The following SLC26A4 variants were observed in gnomAD, a reference collection of about 807,000 sequenced individuals.
SLC26A4 encodes the protein pendrin.
In SLC26A4, 93 loss-of-function variants were observed where a neutral mutation model predicts 90.4. The observed-to-expected ratio is 1.03, with a 90% confidence interval of 0.87 to 1.22. The LOEUF is 1.22. Ranked by LOEUF, SLC26A4 falls within the 50% of genes most tolerant of loss-of-function variation. The pLI is 0.00. For synonymous variants in SLC26A4, 393 were observed against 354.6 expected (o/e 1.11, Z -1.22); for missense variants, 1,127 against 946.2 (o/e 1.19, Z -2.51).
chr7:107,694,515 A>AT (rs763327900), intron 11 of SLC26A4, 35 bp downstream of exon 11: 3 of 1,566,834 alleles, frequency 1.9e-6, no homozygotes, highest in Non-Finnish European at 2.6e-6. Flanking sequence ...CGATTGCATA[A>AT]TTTCCCTTCA....
intron 3 of SLC26A4, among the ~76,000 whole-genome samples, chr7:107,664,479 T>A (rs1222855323): frequency 6.6e-6 from 1 of 151,872 alleles, no homozygotes; most frequent in African/African-American, 2.4e-5. Context: ...TGATCCGCCC[T>A]CCTTGGTATC....
At position 107,701,101 on chromosome 7, in the gene SLC26A4, G is replaced by A. The variant is rs397516421; in HGVS notation, c.1708G>A (p.Val570Ile). ...AGTAACTTGACATTTATTTCCAAAG[G>A]TTGGATTTGATGCCATTAGAGTATA... ...DGFKKCIKST[V>I]GFDAIRVYNK... is the part of the protein sequence containing the mutation. The change falls in exon 16 of 21, where the codon GTT becomes ATT. Residue 570 changes from valine to isoleucine, a missense_variant and splice_region_variant. Coordinates refer to ENST00000644269, the MANE Select transcript of SLC26A4 (RefSeq NM_000441.2). 3.2e-5 allele frequency: 51 copies of A among 1,586,870 alleles called. No homozygotes were observed. Among genetic ancestry groups the A allele is most frequent in the Non-Finnish European group, 1.3e-5 (15 of 1,155,446 alleles).
At position 107,689,061 on chromosome 7, in the gene SLC26A4, CT is replaced by C. The variant is rs2129315787; in HGVS notation, c.1011del (p.Pro338LeufsTer6). The C allele has an allele frequency of 6.2e-7, 1 of 1,613,838 alleles. No individual in the cohort carries two copies. The highest frequency in any genetic ancestry group is 8.5e-7 in the Non-Finnish European group (1 of 1,179,802). On this transcript the variant is annotated frameshift_variant, in exon 9 of 21. Coordinates refer to ENST00000644269, the MANE Select transcript of SLC26A4 (RefSeq NM_000441.2). LOFTEE classifies it high-confidence loss of function. ...ACTTAAAAACTCACTAGGTTTTTGC[CT>C]CCTGAACTTCCACCTGTGAGCTTGT... is the stretch of plus-strand genomic sequence containing the variant. ...IVKSIPRGFL[P>X]PELPPVSLFS... is the part of the protein sequence containing the mutation.
Position 107,710,074 on chromosome 7 carries a change from G to A in SLC26A4, c.2110G>A (p.Glu704Lys), listed in dbSNP as rs147733656. Residue 704 changes from glutamate to lysine, a missense_variant, in exon 19 of 21, where the codon GAG becomes AAG. Coordinates refer to ENST00000644269, the MANE Select transcript of SLC26A4 (RefSeq NM_000441.2). ...SLQDYVIEKLEQCGFFDDNIR... is the reference protein window; with the variant it reads ...SLQDYVIEKLKQCGFFDDNIR... Reference sequence around the variant, plus strand: ...TGAAGATTATGTGATAGAAAAGCTGGAGCAATGCGGGTTCTTTGACGACAA... The same window carrying A: ...TGAAGATTATGTGATAGAAAAGCTGAAGCAATGCGGGTTCTTTGACGACAA... The A allele has an allele frequency of 6.2e-7, 1 of 1,613,372 alleles. No individual in the cohort carries two copies. The highest frequency in any genetic ancestry group is 8.5e-7 in the Non-Finnish European group (1 of 1,179,360).
Position 107,661,669 on chromosome 7 carries a change from C to A in SLC26A4, c.28C>A (p.Pro10Thr), listed in dbSNP as rs200102493. The A allele has an allele frequency of 1.1e-4, 174 of 1,570,026 alleles. No individual in the cohort carries two copies. In the African/African-American group the frequency reaches 2.1e-3, roughly 19 times the overall value. The change falls in exon 2 of 21, where the codon CCG becomes ACG. Residue 10 changes from proline (P) to threonine (T), a missense_variant. Pro to Thr is a conservative substitution (Grantham distance 38). Transcript: ENST00000644269. This position sits in a 1 kb window ranked among gnomAD's most constrained non-coding sequence, Gnocchi z 5.1. MAAPGGRSEPPQLPEYSCSY... is the reference protein window; with the variant it reads MAAPGGRSETPQLPEYSCSY... ...GGCAGCGCCAGGCGGCAGGTCGGAGCCGCCGCAGCTCCCCGAGTACAGCTG... is the reference window on the plus strand; with the variant it reads ...GGCAGCGCCAGGCGGCAGGTCGGAGACGCCGCAGCTCCCCGAGTACAGCTG...
At chr7:107,667,696 T>C (rs1295855842) in intron 3 of SLC26A4, among the ~76,000 whole-genome samples, 1 of 151,988 alleles carries the variant, frequency 6.6e-6, no homozygotes, top group Non-Finnish European at 1.5e-5. Context: ...AGATCTGTGG[T>C]GCAAGAAGTA....
At chr7:107,713,158 C>T (rs754328701) in intron 20 of SLC26A4, among the ~76,000 whole-genome samples, 11 of 152,164 alleles carry the variant, frequency 7.2e-5, no homozygotes, top group Admixed American at 2.0e-4. Context: ...TTTGCAGCTT[C>T]GCCACTGGAT....
intron 18 of SLC26A4, among the ~76,000 whole-genome samples, chr7:107,709,123 G>A (rs537945948): frequency 6.6e-6 from 1 of 152,320 alleles, no homozygotes; most frequent in Non-Finnish European, 1.5e-5. Flanking sequence ...GTCCAGCGTA[G>A]ATCCCTGATT....
At chr7:107,675,545 TG>T (rs75528100) in intron 6 of SLC26A4, among the ~76,000 whole-genome samples, 147,043 of 147,044 alleles carry the variant, frequency 1, 73,521 homozygotes, top group Middle Eastern at 1. Flanking sequence ...AACTTGAGTC[TG>T]GGAGCACCCA....
intron 8 of SLC26A4, among the ~76,000 whole-genome samples, chr7:107,684,245 C>T (rs959578229): frequency 1.3e-5 from 2 of 152,142 alleles, no homozygotes; most frequent in Non-Finnish European, 2.9e-5. Context: ...GAGGCCTAGA[C>T]GTTTATTATA....
intron 6 of SLC26A4, among the ~76,000 whole-genome samples, chr7:107,680,036 AATCTT>A (rs1322439255): frequency 1.8e-4 from 24 of 131,898 alleles, no homozygotes; most frequent in East Asian, 6.7e-4. Flanking sequence ...TATATAATAT[AATCTT>A]ATCTTATTAT....
At chr7:107,678,750 A>C (rs962093097) in intron 6 of SLC26A4, among the ~76,000 whole-genome samples, 3 of 150,122 alleles carry the variant, frequency 2.0e-5, no homozygotes, top group Non-Finnish European at 4.5e-5. Context: ...AAAAAAAAAA[A>C]ATCAGCAGGT....
In SLC26A4 at chr7:107,710,088, CT is replaced by C. The variant is rs786204523; in HGVS notation, c.2127del (p.Phe709LeufsTer12). On this transcript the variant is annotated frameshift_variant, in exon 19 of 21. Transcript: ENST00000644269. LOFTEE classifies it high-confidence loss of function. ...TAGAAAAGCTGGAGCAATGCGGGTT[CT>C]TTGACGACAACATTAGAAAGGACAC... is the stretch of plus-strand genomic sequence containing the variant. Reference protein sequence around the residue: ...VIEKLEQCGFFDDNIRKDTFF... With the variant: ...VIEKLEQCGFXDDNIRKDTFF... 26 of 1,612,626 alleles carry C rather than the reference CT, an allele frequency of 1.6e-5. No individual in the cohort carries two copies. Among genetic ancestry groups the C allele is most frequent in the Non-Finnish European group, 2.0e-5 (24 of 1,178,778 alleles).
chr7:107,666,362 C>T (rs997146181), intron 3 of SLC26A4, among the ~76,000 whole-genome samples: 1 of 152,140 alleles, frequency 6.6e-6, no homozygotes, highest in African/African-American at 2.4e-5. Flanking sequence ...GCTGGAACTA[C>T]AGGCATGTGC....
intron 17 of SLC26A4, among the ~76,000 whole-genome samples, chr7:107,703,786 C>G (rs1237597233): frequency 1.3e-5 from 2 of 152,142 alleles, no homozygotes; most frequent in Non-Finnish European, 2.9e-5. Flanking sequence ...GGTCTTGTGT[C>G]TTGACTTTTT....
intron 6 of SLC26A4, 128 bp downstream of exon 6, chr7:107,675,237 G>T: frequency 2.5e-6 from 2 of 813,120 alleles, no homozygotes; most frequent in Non-Finnish European, 4.2e-6. Flanking sequence ...AGGCCGAGGT[G>T]GGCAGATTGC....
intron 8 of SLC26A4, among the ~76,000 whole-genome samples, chr7:107,688,135 C>T (rs1212781577): frequency 6.6e-6 from 1 of 152,158 alleles, no homozygotes; most frequent in African/African-American, 2.4e-5. Flanking sequence ...GTTCCTTTAT[C>T]AACAAGACAA....
At chr7:107,706,784 C>T (rs1443125782) in intron 18 of SLC26A4, among the ~76,000 whole-genome samples, 1 of 152,036 alleles carries the variant, frequency 6.6e-6, no homozygotes, top group African/African-American at 2.4e-5. Flanking sequence ...ATCATATTGC[C>T]ATAAAAATAA....
At chr7:107,667,514 G>T (rs1255699396) in intron 3 of SLC26A4, among the ~76,000 whole-genome samples, 1 of 139,890 alleles carries the variant, frequency 7.1e-6, no homozygotes, top group Non-Finnish European at 1.5e-5. Flanking sequence ...TGTTGAATTT[G>T]CCTGAGGGGT....
Sources: allele counts gnomAD v4.1 joint callset (sites outside exome capture counted in the v4.1 genomes callset), GRCh38; gene constraint gnomAD v4.1.1; non-coding constraint Gnocchi (gnomAD v3.1); transcripts MANE v1.5; gene names NCBI Gene and HGNC (gene_info 2026-07-23, HGNC 2026-07-21).